The following SUGP2 variants were observed in gnomAD, a reference collection of about 807,000 sequenced individuals.
SUGP2 encodes the protein SURP and G-patch domain-containing protein 2.
In SUGP2, 24 loss-of-function variants were observed where a neutral mutation model predicts 90.5. The ratio of observed to expected loss-of-function variants is 0.27; its 90% CI spans 0.19 to 0.37. SUGP2 has a LOEUF of 0.37. SUGP2 is among the 10% of genes least tolerant of loss of function. The probability of loss-of-function intolerance (pLI) is 1.00; values close to 1 mark genes in which losing one functional copy is unlikely to be tolerated. For missense variants in SUGP2, 1,233 were observed against 1,363.3 expected, an observed-to-expected ratio of 0.90 and a Z score of 1.51; for synonymous variants, 473 against 513.4, an observed-to-expected ratio of 0.92 and a Z score of 1.06.
At chr19:19,031,199 G>T in intron 1 of SUGP2, 117 bp from the exon 2 acceptor site, 1 of 1,098,224 alleles carries the variant, frequency 9.1e-7, no homozygotes, top group Admixed American at 2.4e-5. Context: ...CCTGAGCTCA[G>T]GAGTTCGAGA....
chr19:18,998,034 AAAC>A (rs2057681368), intron 8 of SUGP2, among the ~76,000 whole-genome samples: 2 of 152,176 alleles, frequency 1.3e-5, no homozygotes, highest in Non-Finnish European at 2.9e-5. Flanking sequence ...ATGGAACATT[AAAC>A]ACCACACCTA....
Position 19,001,661 on chromosome 19 carries a change from A to G in SUGP2, c.2943T>C (p.Val981=). 1 of 1,614,250 alleles carries G rather than the reference A, an allele frequency of 6.2e-7. No individual in the cohort carries two copies. The highest frequency in any genetic ancestry group is 8.5e-7 in the Non-Finnish European group (1 of 1,180,042). The change falls in exon 8 of 11, where the codon GTT becomes GTC. Residue 981 remains valine (V), a synonymous_variant. Transcript: ENST00000452918. ...CCCGAGGCCTGTCATAGGCAATTCG[A>G]ACTGGTTCATGGACTAGAAGACAAA... ...LIQEPKVHEP[V]RIAYDRPRGR...
At chr19:19,005,943 G>C (rs1302800039) in intron 6 of SUGP2, among the ~76,000 whole-genome samples, 1 of 151,324 alleles carries the variant, frequency 6.6e-6, no homozygotes, top group Non-Finnish European at 1.5e-5. Flanking sequence ...AGAAACAAAT[G>C]AATCTGGGCC....
intron 8 of SUGP2, among the ~76,000 whole-genome samples, chr19:19,000,120 C>T (rs1275319404): frequency 6.6e-6 from 1 of 152,208 alleles, no homozygotes; most frequent in African/African-American, 2.4e-5. Context: ...GAGAAAGGGC[C>T]ACAGCGTTAA....
At chr19:19,019,067 C>T (rs772019362) in intron 4 of SUGP2, 42 bp downstream of exon 4, 10 of 1,594,904 alleles carry the variant, frequency 6.3e-6, no homozygotes, top group African/African-American at 1.3e-5. Context: ...TTGCCATATA[C>T]TCCATGAGAG....
rs769693237 is a variant in SUGP2 at position 19,008,293 on chromosome 19, G to T, written c.2450+24C>A. 12 of 1,566,804 alleles carry T rather than the reference G, an allele frequency of 7.7e-6. No homozygotes were observed. The East Asian group carries it at 2.2e-4, about 29-fold the overall frequency. The stretch of plus-strand genomic sequence containing the variant: ...GTCTCTCTGAGAAAGAAAAAGGTGT[G>T]ATGAGACCCGGGGGGGTACGTACCA... On this transcript the variant is annotated intron_variant, in intron 6 of 10. Coordinates refer to ENST00000452918, the MANE Select transcript of SUGP2 (RefSeq NM_001017392.5).
At position 19,024,952 on chromosome 19, in the gene SUGP2, C is replaced by A. The variant is rs766407435; in HGVS notation, c.1396G>T (p.Ala466Ser). The A allele has an allele frequency of 6.2e-7, 1 of 1,614,158 alleles. No individual in the cohort carries two copies. The highest frequency in any genetic ancestry group is 2.2e-5 in the East Asian group (1 of 44,886). Residue 466 changes from alanine (A) to serine (S), a missense_variant, in exon 3 of 11, where the codon GCT becomes TCT. Physicochemically the swap from Ala to Ser is moderately conservative, Grantham distance 99. Coordinates refer to ENST00000452918, the MANE Select transcript of SUGP2 (RefSeq NM_001017392.5). ...MKTLSNPLDLALALETTNSLC... is the reference protein window; with the variant it reads ...MKTLSNPLDLSLALETTNSLC... ...GAGTTGGTGGTTTCTAGGGCAAGAG[C>A]CAAGTCCAGGGGGTTACTGAGGGTC...
intron 3 of SUGP2, among the ~76,000 whole-genome samples, chr19:19,021,778 T>C (rs998211672): frequency 3.9e-5 from 6 of 152,028 alleles, no homozygotes; most frequent in Middle Eastern, 6.8e-3. Flanking sequence ...GCATCTCTCC[T>C]GCCTCAGCTT....
At chr19:19,015,854 A>G (rs992767663) in intron 4 of SUGP2, among the ~76,000 whole-genome samples, 17 of 152,172 alleles carry the variant, frequency 1.1e-4, no homozygotes, top group African/African-American at 4.1e-4. Flanking sequence ...TCTGGGACCA[A>G]CTCCTAAATC....
intron 1 of SUGP2, among the ~76,000 whole-genome samples, chr19:19,031,922 A>G (rs1408079874): frequency 7.0e-6 from 1 of 143,434 alleles, no homozygotes; most frequent in Non-Finnish European, 1.5e-5. Context: ...CCTTGTCTGG[A>G]CTCTTTTAAG....
At position 19,026,061 on chromosome 19, in the gene SUGP2, G is replaced by A; in HGVS notation, c.287C>T (p.Ser96Phe). ...GCGAAAGTAGCTGTCATCACTGATG[G>A]AAGGGTTGCTTGATCTGAAGGAAGG... ...PGPSFRSSNP[S>F]ISDDSYFRKE... is the part of the protein sequence containing the mutation. The change falls in exon 3 of 11, where the codon TCC (serine) becomes TTC (phenylalanine). Residue 96 changes from serine (S) to phenylalanine (F), a missense_variant. Ser to Phe is a radical substitution (Grantham distance 155, BLOSUM62 -2). Coordinates refer to ENST00000452918, the MANE Select transcript of SUGP2 (RefSeq NM_001017392.5). The A allele has an allele frequency of 6.2e-7, 1 of 1,614,146 alleles. No homozygotes were observed. Among genetic ancestry groups the A allele is most frequent in the South Asian group, 1.1e-5 (1 of 91,066 alleles).
chr19:18,994,536 C>A, intron 9 of SUGP2, 50 bp from the exon 10 acceptor site: 1 of 1,602,958 alleles, frequency 6.2e-7, no homozygotes, highest in Non-Finnish European at 8.5e-7. Flanking sequence ...CAGGGCCTGG[C>A]ATGCCAGGAA....
rs756829411 is a variant in SUGP2 at position 19,025,935 on chromosome 19, A to C, written c.413T>G (p.Phe138Cys). Residue 138 changes from phenylalanine (F) to cysteine (C), a missense_variant, in exon 3 of 11, where the codon TTT (phenylalanine) becomes TGT (cysteine). By Grantham distance (205) the Phe-to-Cys change is radical. Around this residue, in one of 8 missense-constraint regions of SUGP2, gnomAD observed 418 missense variants for 399.9 expected, o/e 1.05. Transcript: ENST00000452918. ...LGHFRSQDWK[F>C]ALRGSWEQDF... is the part of the protein sequence containing the mutation. ...TTGTTCCCAAGAACCACGGAGCGCA[A>C]ATTTCCAGTCCTGAGAACGGAAATG... The C allele has an allele frequency of 8.1e-6, 13 of 1,614,138 alleles. No homozygotes were observed. The highest frequency in any genetic ancestry group is 1.0e-5 in the Non-Finnish European group (12 of 1,180,026).
chr19:19,033,296 CCGG>C (rs1451879699), intron 1 of SUGP2, 138 bp downstream of exon 1: 45 of 993,124 alleles, frequency 4.5e-5, no homozygotes, highest in Non-Finnish European at 5.4e-5. Context: ...CCAGGCCAAC[CCGG>C]CGGGGACGCG....
chr19:19,030,864 T>C, intron 2 of SUGP2, 87 bp downstream of exon 2: 7 of 1,408,396 alleles, frequency 5.0e-6, no homozygotes, highest in Non-Finnish European at 6.7e-6. Flanking sequence ...CTGGTATTAT[T>C]TGCCCAAGGT....
At position 19,004,200 on chromosome 19, in the gene SUGP2, G is replaced by A; in HGVS notation, c.2897C>T (p.Pro966Leu). ...CTCCTGGATGAGACACACTCTCTTG[G>A]GAGCTGGAATCATGCCAACCTTCAA... Reference protein sequence around the residue: ...KSLKVGMIPAPKRVCLIQEPK... With the variant: ...KSLKVGMIPALKRVCLIQEPK... Residue 966 changes from proline (P) to leucine (L), a missense_variant, in exon 7 of 11, where the codon CCC (proline) becomes CTC (leucine). Physicochemically the swap from Pro to Leu is moderately conservative, Grantham distance 98. This residue lies in a region of SUGP2 where 105 missense variants were observed against 155.2 expected (regional missense o/e 0.68). Transcript: ENST00000452918. The A allele has an allele frequency of 6.3e-7, 1 of 1,585,978 alleles. No homozygotes were observed. Among genetic ancestry groups the A allele is most frequent in the Non-Finnish European group, 8.6e-7 (1 of 1,164,386 alleles).
At chr19:18,994,627 C>T (rs904970761) in intron 9 of SUGP2, 141 bp from the exon 10 acceptor site, 21 of 1,208,872 alleles carry the variant, frequency 1.7e-5, no homozygotes, top group African/African-American at 1.4e-4. Context: ...AAAATCAAGA[C>T]GCGACTCACA....
chr19:19,026,114 T>C lies in SUGP2; in HGVS notation c.234A>G (p.Glu78=), dbSNP rs758064592. 1.2e-6 allele frequency: 2 copies of C among 1,614,010 alleles called. No homozygotes were observed. The highest frequency in any genetic ancestry group is 2.7e-5 in the African/African-American group (2 of 74,906). The part of the protein sequence containing the change: ...SVAHSRDAGR[E]GLRSDVFPGP... ...CTGGAAATACGTCACTTCTCAGGCC[T>C]TCTCTTCCGGCATCTCTAGAGTGAG... Residue 78 remains glutamate (E), a synonymous_variant, in exon 3 of 11, where the codon GAA becomes GAG. Coordinates refer to ENST00000452918, the MANE Select transcript of SUGP2 (RefSeq NM_001017392.5).
Position 18,993,298 on chromosome 19 carries a change from T to A in SUGP2, c.*443A>T, listed in dbSNP as rs1213846521. The A allele has an allele frequency of 6.6e-6, 1 of 152,206 alleles. No homozygotes were observed. Among genetic ancestry groups the A allele is most frequent in the African/African-American group, 2.4e-5 (1 of 41,454 alleles). 9.4% of individuals were successfully genotyped at this position (152,206 alleles called of 1,614,324 possible). Reference sequence around the variant, plus strand: ...TTACCGGGAATTTGTCTCCCCCGTATAAATTCTGGCGAACAACGAGAAAAC... The same window carrying A: ...TTACCGGGAATTTGTCTCCCCCGTAAAAATTCTGGCGAACAACGAGAAAAC... On this transcript the variant is annotated 3_prime_UTR_variant, in exon 11 of 11. Transcript: ENST00000452918.
Sources: gnomAD v4.1 joint callset for allele counts (sites outside exome capture counted in the v4.1 genomes callset) on GRCh38, gnomAD v4.1.1 for gene constraint, gnomAD v4.1.1 regional missense constraint, MANE v1.5 for transcripts, NCBI Gene and HGNC (gene_info 2026-07-23, HGNC 2026-07-21) for gene names.